The following AGAP1 variants were observed in gnomAD, a reference collection of about 807,000 sequenced individuals.
AGAP1 encodes the protein arf-GAP with GTPase, ANK repeat and PH domain-containing protein 1.
Under a neutral mutation model 105.3 loss-of-function variants are expected in AGAP1, and 29 were observed. The ratio of observed to expected loss-of-function variants is 0.28; its 90% CI spans 0.21 to 0.38. AGAP1 has a LOEUF of 0.38. Among genes scored for constraint, AGAP1 ranks in the 10% least tolerant of loss-of-function variants. The pLI is 1.00. For missense variants in AGAP1, 998 were observed against 1,165.1 expected, an observed-to-expected ratio of 0.86 and a Z score of 2.09; for synonymous variants, 509 against 485.9, an observed-to-expected ratio of 1.05 and a Z score of -0.63.
In AGAP1 at chr2:236,045,201, C is replaced by A. The variant is rs1402678114; in HGVS notation, c.1892-3858C>A. 1.3e-5 allele frequency among the ~76,000 whole-genome samples: 2 copies of A among 152,220 alleles called. No individual in the cohort carries two copies. Among genetic ancestry groups the A allele is most frequent in the Non-Finnish European group, 2.9e-5 (2 of 68,044 alleles). On this transcript the variant is annotated intron_variant, in intron 15 of 17. Coordinates refer to ENST00000304032, the MANE Select transcript of AGAP1 (RefSeq NM_001037131.3). This position sits in a 1 kb window ranked among gnomAD's most constrained non-coding sequence, Gnocchi z 6.9. ...AAAGTGCTGGGATTATAGGCAGGAG[C>A]CACTGTGCTGGGCCTAGTTTTTTTT... is the stretch of plus-strand genomic sequence containing the variant.
intron 6 of AGAP1, among the ~76,000 whole-genome samples, chr2:235,755,263 C>T (rs1953824636): frequency 6.6e-6 from 1 of 152,176 alleles, no homozygotes; most frequent in Non-Finnish European, 1.5e-5. Flanking sequence ...TGGGAAATAA[C>T]CTATATACAA....
chr2:235,794,931 A>ATGTGT, intron 6 of AGAP1, among the ~76,000 whole-genome samples: 1 of 152,338 alleles, frequency 6.6e-6, no homozygotes, highest in East Asian at 1.9e-4. Context: ...GGATAATCAA[A>ATGTGT]TATAGACAAA....
intron 11 of AGAP1, among the ~76,000 whole-genome samples, chr2:235,914,066 G>A (rs527825329): frequency 5.6e-4 from 85 of 151,950 alleles, no homozygotes; most frequent in African/African-American, 2.0e-3. Context: ...AGAGAGGCGG[G>A]GTCTATTATG....
intron 10 of AGAP1, among the ~76,000 whole-genome samples, chr2:235,902,518 T>C (rs2051114224): frequency 6.6e-6 from 1 of 152,220 alleles, no homozygotes; most frequent in South Asian, 2.1e-4. Flanking sequence ...GATTTCTAAA[T>C]AGTGATAGTT....
rs1946074798 is a variant in AGAP1 at position 235,610,020 on chromosome 2, A to G, written c.164-99159A>G. 6.6e-6 allele frequency among the ~76,000 whole-genome samples: 1 copy of G among 152,064 alleles called. No homozygotes were observed. The highest frequency in any genetic ancestry group is 1.5e-5 in the Non-Finnish European group (1 of 68,010). On this transcript the variant is annotated intron_variant, in intron 1 of 17. Transcript: ENST00000304032. This position sits in a 1 kb window ranked among gnomAD's most constrained non-coding sequence, Gnocchi z 4.9. ...AGCTCCATTTAGCTAGGGTAGGATA[A>G]TGGTAAAGTTGCCAGCAGCAATGCT...
At chr2:235,808,550 G>A (rs761939185) in intron 9 of AGAP1, among the ~76,000 whole-genome samples, 7 of 152,140 alleles carry the variant, frequency 4.6e-5, no homozygotes, top group Non-Finnish European at 5.9e-5. Context: ...AGTCCACAGA[G>A]TTTCCCAAGG....
In AGAP1 at chr2:235,930,597, C is replaced by T. The variant is rs2125151243; in HGVS notation, c.1325-168C>T. Among the ~76,000 whole-genome samples the T allele has an allele frequency of 1.3e-5, 2 of 151,846 alleles. 1 individual carries two copies. Among genetic ancestry groups the T allele is most frequent in the Middle Eastern group, 6.8e-3 (2 of 294 alleles). Reference sequence around the variant, plus strand: ...AGATTGGCGTCCCCCTTTTATTCCTCCCGAATAGTTTCTGTCTGGCGCTTC... The same window carrying T: ...AGATTGGCGTCCCCCTTTTATTCCTTCCGAATAGTTTCTGTCTGGCGCTTC... On this transcript the variant is annotated intron_variant, in intron 11 of 17. Transcript: ENST00000304032. This position sits in a 1 kb window ranked among gnomAD's most constrained non-coding sequence, Gnocchi z 7.9.
intron 9 of AGAP1, among the ~76,000 whole-genome samples, chr2:235,819,786 T>C (rs1040261711): frequency 6.6e-6 from 1 of 152,188 alleles, no homozygotes; most frequent in Non-Finnish European, 1.5e-5. Flanking sequence ...AGACATGTTC[T>C]TTCTCCTGCG....
intron 1 of AGAP1, among the ~76,000 whole-genome samples, chr2:235,684,145 C>T (rs987892652): frequency 2.6e-5 from 4 of 152,126 alleles, no homozygotes; most frequent in Non-Finnish European, 5.9e-5. Context: ...GGGTTCACAC[C>T]ATTCTCCTGC....
rs1297860425 is a variant in AGAP1 at position 235,977,773 on chromosome 2, G to T, written c.1645+9150G>T. Among the ~76,000 whole-genome samples, 1 of 152,170 alleles carries T rather than the reference G, an allele frequency of 6.6e-6. No individual in the cohort carries two copies. The highest frequency in any genetic ancestry group is 2.4e-5 in the African/African-American group (1 of 41,446). On this transcript the variant is annotated intron_variant, in intron 13 of 17. Transcript: ENST00000304032. The surrounding 1 kb of genome is among the most constrained non-coding windows in gnomAD (Gnocchi z 5.2). ...AAAACAAAAGGGGATATTGACTAAT[G>T]CAAAACTTAGTCTGTGTGGAAGCAA...
intron 1 of AGAP1, among the ~76,000 whole-genome samples, chr2:235,704,911 T>C (rs1489622988): frequency 1.3e-5 from 2 of 150,892 alleles, no homozygotes; most frequent in Non-Finnish European, 3.0e-5. Flanking sequence ...CCTGTCTAGT[T>C]CTTGGGAAGG....
At chr2:235,629,318 G>A (rs1017800842) in intron 1 of AGAP1, among the ~76,000 whole-genome samples, 8 of 99,616 alleles carry the variant, frequency 8.0e-5, no homozygotes, top group African/African-American at 2.3e-4. Context: ...GTGTGTGTGT[G>A]TATGTGTATA....
In AGAP1 at chr2:236,120,558, G is replaced by A; in HGVS notation, c.2370+111G>A. ...GAAGGCTGTTGTTCTCGATCTGCAA[G>A]TGGAAACAGTTCCTAATGGGAAACT... On this transcript the variant is annotated intron_variant, in intron 17 of 17. Transcript: ENST00000304032. The surrounding 1 kb of genome is among the most constrained non-coding windows in gnomAD (Gnocchi z 6.0). 2 of 1,523,940 alleles carry A rather than the reference G, an allele frequency of 1.3e-6. No homozygotes were observed. The highest frequency in any genetic ancestry group is 1.8e-6 in the Non-Finnish European group (2 of 1,138,548). The allele number at this position is 1,523,940 out of a possible 1,614,324, so 94.4% of individuals were successfully genotyped here.
intron 6 of AGAP1, among the ~76,000 whole-genome samples, chr2:235,764,741 C>A (rs1482170891): frequency 5.8e-5 from 5 of 86,848 alleles, no homozygotes; most frequent in Non-Finnish European, 1.1e-4. Flanking sequence ...CATCTGGGAG[C>A]GCCCGTGGGG....
At chr2:235,785,648 T>C (rs1371514658) in intron 6 of AGAP1, among the ~76,000 whole-genome samples, 1 of 152,196 alleles carries the variant, frequency 6.6e-6, no homozygotes, top group Non-Finnish European at 1.5e-5. Context: ...ATAATCCATT[T>C]TTCTTTAAAA....
chr2:235,649,310 C>T (rs938133422), intron 1 of AGAP1, among the ~76,000 whole-genome samples: 1 of 152,094 alleles, frequency 6.6e-6, no homozygotes, highest in Non-Finnish European at 1.5e-5. Flanking sequence ...ATTCCTGGGC[C>T]CTGCCCAAGA....
Position 235,574,300 on chromosome 2 carries a change from G to A in AGAP1, c.163+79451G>A, listed in dbSNP as rs1944665455. Reference sequence around the variant, plus strand: ...ATCAGGCATTAAAATCTTCCGAACAGAAAAGCTGAAAATGTTCCCTTACCT... The same window carrying A: ...ATCAGGCATTAAAATCTTCCGAACAAAAAAGCTGAAAATGTTCCCTTACCT... On this transcript the variant is annotated intron_variant, in intron 1 of 17. Transcript: ENST00000304032. This position sits in a 1 kb window ranked among gnomAD's most constrained non-coding sequence, Gnocchi z 5.0. Among the ~76,000 whole-genome samples, 1 of 152,214 alleles carries A rather than the reference G, an allele frequency of 6.6e-6. No homozygotes were observed. Among genetic ancestry groups the A allele is most frequent in the African/African-American group, 2.4e-5 (1 of 41,446 alleles).
chr2:235,772,556 T>C (rs149885719), intron 6 of AGAP1, among the ~76,000 whole-genome samples: 35 of 152,324 alleles, frequency 2.3e-4, no homozygotes, highest in African/African-American at 8.2e-4. Flanking sequence ...AGTCCTCCCA[T>C]TCATGGTGCT....
intron 6 of AGAP1, among the ~76,000 whole-genome samples, chr2:235,759,381 G>A (rs1053584514): frequency 1.5e-4 from 22 of 150,790 alleles, no homozygotes; most frequent in East Asian, 4.0e-4. Context: ...GTGTTAGCCA[G>A]GATGGTCTTG....
Sources: gnomAD v4.1 joint callset for allele counts (sites outside exome capture counted in the v4.1 genomes callset) on GRCh38, gnomAD v4.1.1 for gene constraint, Gnocchi (gnomAD v3.1) non-coding constraint, MANE v1.5 for transcripts, NCBI Gene and HGNC (gene_info 2026-07-23, HGNC 2026-07-21) for gene names.